Variants in PTPRD observed in about 807,000 individuals in gnomAD.
PTPRD encodes the protein receptor-type tyrosine-protein phosphatase delta.
PTPRD carries 34 observed loss-of-function variants against 214.5 expected under a neutral mutation model. The ratio of observed to expected loss-of-function variants is 0.16; its 90% CI spans 0.12 to 0.21. PTPRD has a LOEUF of 0.21. PTPRD is among the 10% of genes least tolerant of loss of function. The pLI is 1.00. For synonymous variants in PTPRD, 1,128 were observed against 845.7 expected (o/e 1.33, Z -5.79); for missense variants, 2,545 against 2,398.7 (o/e 1.06, Z -1.27).
chr9:9,709,405 A>C (rs10733553), intron 7 of PTPRD, among the ~76,000 whole-genome samples: 1 of 151,766 alleles, frequency 6.6e-6, no homozygotes, highest in Non-Finnish European at 1.5e-5. Flanking sequence ...TGTGGTAAAG[A>C]CATACATGTT....
intron 7 of PTPRD, among the ~76,000 whole-genome samples, chr9:9,581,246 ATTAT>A (rs1205327328): frequency 6.6e-6 from 1 of 152,148 alleles, no homozygotes; most frequent in Non-Finnish European, 1.5e-5. Context: ...GAACTTATGC[ATTAT>A]TTATCAGACA....
rs190526496 is a variant in PTPRD, at chr9:8,329,216, G to C, written c.5534+2366C>G. ...TGGTGACCTTCAGATGGGGTCTCTG[G>C]GTGGACGTGCTATTCCTTTCTGTCT... On this transcript the variant is annotated intron_variant, in intron 44 of 45. Coordinates refer to ENST00000381196, the MANE Select transcript of PTPRD (RefSeq NM_002839.4). Among the ~76,000 whole-genome samples, 22 of 152,056 alleles carry C rather than the reference G, an allele frequency of 1.4e-4. No individual in the cohort carries two copies. In the East Asian group the frequency reaches 4.3e-3, roughly 30 times the overall value.
At chr9:9,707,884 G>C (rs886161141) in intron 7 of PTPRD, among the ~76,000 whole-genome samples, 1 of 151,718 alleles carries the variant, frequency 6.6e-6, no homozygotes, top group Non-Finnish European at 1.5e-5. Context: ...CCTTAGTCCT[G>C]TTAGAGTACT....
chr9:9,890,967 G>A (rs1300792893), intron 5 of PTPRD, among the ~76,000 whole-genome samples: 6 of 152,030 alleles, frequency 3.9e-5, no homozygotes. Context: ...TACATCGCTG[G>A]CAGTAAGACA....
chr9:10,426,840 C>T (rs2098624812), intron 2 of PTPRD, among the ~76,000 whole-genome samples: 1 of 152,088 alleles, frequency 6.6e-6, no homozygotes, highest in South Asian at 2.1e-4. Context: ...TCTTCCTCTG[C>T]TCTTGTGTCC....
chr9:9,469,609 C>T (rs962358769), intron 8 of PTPRD, among the ~76,000 whole-genome samples: 6 of 152,124 alleles, frequency 3.9e-5, no homozygotes, highest in African/African-American at 1.4e-4. Context: ...TGAGTGCTGG[C>T]AACTAATTTG....
chr9:9,049,476 C>A (rs1376960218), intron 10 of PTPRD, among the ~76,000 whole-genome samples: 1 of 152,082 alleles, frequency 6.6e-6, no homozygotes, highest in Non-Finnish European at 1.5e-5. Context: ...TTTGCCATTT[C>A]GCTAGATTTA....
intron 9 of PTPRD, among the ~76,000 whole-genome samples, chr9:9,204,508 C>T (rs2099943671): frequency 6.6e-6 from 1 of 152,200 alleles, no homozygotes; most frequent in Admixed American, 6.5e-5. Flanking sequence ...TTACCGGGTT[C>T]TCAACTTTTA....
intron 14 of PTPRD, among the ~76,000 whole-genome samples, chr9:8,552,782 G>A (rs2082491641): frequency 6.6e-6 from 1 of 152,076 alleles, no homozygotes; most frequent in Non-Finnish European, 1.5e-5. Context: ...ATTCTGAGTT[G>A]GCTATATGAC....
intron 33 of PTPRD, among the ~76,000 whole-genome samples, chr9:8,458,061 T>A (rs1269078434): frequency 1.3e-5 from 2 of 152,136 alleles, no homozygotes; most frequent in Non-Finnish European, 2.9e-5. Context: ...CAGAAATGCT[T>A]CATGGGCCTT....
At chr9:10,304,146 G>C (rs1269047890) in intron 3 of PTPRD, among the ~76,000 whole-genome samples, 1 of 152,074 alleles carries the variant, frequency 6.6e-6, no homozygotes, top group Non-Finnish European at 1.5e-5. Flanking sequence ...CACATAAACA[G>C]AACCAATGAC....
At chr9:8,652,505 G>C (rs542861869) in intron 12 of PTPRD, among the ~76,000 whole-genome samples, 2 of 152,324 alleles carry the variant, frequency 1.3e-5, no homozygotes, top group African/African-American at 2.4e-5. Context: ...GCCAGACTAA[G>C]ACATGCTGTA....
chr9:10,170,714 A>G (rs1277199566), intron 3 of PTPRD, among the ~76,000 whole-genome samples: 1 of 152,186 alleles, frequency 6.6e-6, no homozygotes, highest in Admixed American at 6.5e-5. Context: ...ATCATTTTCT[A>G]AACAATACAG....
chr9:8,856,006 A>G (rs1051305007), intron 11 of PTPRD, among the ~76,000 whole-genome samples: 3 of 152,212 alleles, frequency 2.0e-5, no homozygotes, highest in Non-Finnish European at 4.4e-5. Flanking sequence ...TACAGTACAT[A>G]ATTATGGAAT....
At chr9:10,022,815 T>C (rs1451973656) in intron 4 of PTPRD, among the ~76,000 whole-genome samples, 2 of 152,198 alleles carry the variant, frequency 1.3e-5, no homozygotes, top group Admixed American at 6.5e-5. Flanking sequence ...TTTCTTCCAT[T>C]AATTGTTTTC....
intron 7 of PTPRD, among the ~76,000 whole-genome samples, chr9:9,721,110 C>G (rs946579190): frequency 2.0e-5 from 3 of 151,938 alleles, no homozygotes; most frequent in African/African-American, 7.3e-5. Flanking sequence ...ATATAACAAA[C>G]CTGCATATGT....
intron 14 of PTPRD, among the ~76,000 whole-genome samples, chr9:8,529,823 G>A (rs2075209550): frequency 2.0e-5 from 3 of 151,808 alleles, no homozygotes; most frequent in African/African-American, 7.3e-5. Context: ...TAAGTTCTAG[G>A]GTACATATGC....
chr9:10,018,538 CTTTTTT>C (rs71321214), intron 4 of PTPRD, among the ~76,000 whole-genome samples: 4 of 71,122 alleles, frequency 5.6e-5, no homozygotes, highest in South Asian at 7.5e-4. Context: ...AATTACATTT[CTTTTTT>C]TTTTTTTTTT....
At chr9:9,886,263 C>T (rs1273698673) in intron 5 of PTPRD, among the ~76,000 whole-genome samples, 1 of 151,754 alleles carries the variant, frequency 6.6e-6, no homozygotes, top group Middle Eastern at 3.4e-3. Context: ...TGCTCTGGGT[C>T]TCCTGTTTTA....
Sources: allele counts gnomAD v4.1 joint callset (sites outside exome capture counted in the v4.1 genomes callset), GRCh38; gene constraint gnomAD v4.1.1; transcripts MANE v1.5; gene names NCBI Gene and HGNC (gene_info 2026-07-23, HGNC 2026-07-21).